Variants in TTN observed in about 807,000 individuals in gnomAD.
TTN encodes the protein connectin.
TTN carries 1,525 observed loss-of-function variants against 3,223.0 expected under a neutral mutation model. That is an observed-to-expected ratio of 0.47 (90% CI 0.45 to 0.49). TTN has a LOEUF of 0.49. TTN is among the 20% of genes least tolerant of loss of function. The pLI is 0.00. For synonymous variants in TTN, 14,094 were observed against 15,161.0 expected, an observed-to-expected ratio of 0.93 and a Z score of 5.17; for missense variants, 40,786 against 43,424.0, an observed-to-expected ratio of 0.94 and a Z score of 5.40.
At chr2:178,799,192 C>T (rs1034429112) in intron 6 of TTN, 3 of 400,444 alleles carry the variant, frequency 7.5e-6, no homozygotes, top group Admixed American at 3.6e-5. Flanking sequence ...CCTGCCTTCC[C>T]GCCCAAATGT....
At chr2:178,779,952 A>C (rs2154348165) in intron 22 of TTN, 48 bp downstream of exon 22, 1 of 1,573,770 alleles carries the variant, frequency 6.4e-7, no homozygotes, top group East Asian at 2.2e-5. Flanking sequence ...AAAAAAAGGA[A>C]AGTATAATTT....
intron 278 of TTN, among the ~76,000 whole-genome samples, chr2:178,606,682 C>G (rs1249722965): frequency 6.6e-6 from 1 of 151,926 alleles, no homozygotes; most frequent in Non-Finnish European, 1.5e-5. Context: ...TCTTTAACTA[C>G]TACGCTAGTA....
chr2:178,591,505 C>T lies in TTN; in HGVS notation c.60221-1G>A. 6.3e-7 allele frequency: 1 copy of T among 1,584,182 alleles called. No homozygotes were observed. Among genetic ancestry groups the T allele is most frequent in the Non-Finnish European group, 8.5e-7 (1 of 1,171,444 alleles). On this transcript the variant is annotated splice_acceptor_variant, in intron 303 of 362. Coordinates refer to ENST00000589042, the MANE Select transcript of TTN (RefSeq NM_001267550.2). LOFTEE classifies it high-confidence loss of function. Reference sequence around the variant, plus strand: ...ACATCTAGCTCCACGGATGGAGGCACTGAAAAGTAAACATGAAAAAATTAG... The same window carrying T: ...ACATCTAGCTCCACGGATGGAGGCATTGAAAAGTAAACATGAAAAAATTAG...
Position 178,577,975 on chromosome 2 carries a change from TATA to T in TTN, c.68527+10_68527+12del, listed in dbSNP as rs762941263. 3.7e-6 allele frequency: 6 copies of T among 1,608,354 alleles called. No homozygotes were observed. The highest frequency in any genetic ancestry group is 5.1e-6 in the Non-Finnish European group (6 of 1,177,694). On this transcript the variant is annotated intron_variant, in intron 322 of 362. Transcript: ENST00000589042. ...AAACATGCACCTGGGTTTTTCTTCA[TATA>T]ATGACTTACCAATTGGGTCCAGTGC...
At position 178,778,870 on chromosome 2, in the gene TTN, T is replaced by C; in HGVS notation, c.4208+4A>G. ...TAAATAACCCAAATTATTACAAGTC[T>C]TACCTGATTCTGCTCACTGGCTCTA... On this transcript the variant is annotated splice_donor_region_variant and intron_variant, in intron 24 of 362. Coordinates refer to ENST00000589042, the MANE Select transcript of TTN (RefSeq NM_001267550.2). 5 of 1,613,860 alleles carry C rather than the reference T, an allele frequency of 3.1e-6. No homozygotes were observed. The highest frequency in any genetic ancestry group is 4.2e-6 in the Non-Finnish European group (5 of 1,179,858).
At chr2:178,695,480 A>G (rs982786057) in intron 114 of TTN, 70 bp from the exon 115 acceptor site, 1 of 1,198,722 alleles carries the variant, frequency 8.3e-7, no homozygotes, top group Non-Finnish European at 1.2e-6. Context: ...TTAATTGCAA[A>G]TGAGATAAGG....
At position 178,590,411 on chromosome 2, in the gene TTN, A is replaced by G; in HGVS notation, c.61314T>C (p.Ile20438=). 6.2e-7 allele frequency: 1 copy of G among 1,609,320 alleles called. No homozygotes were observed. The highest frequency in any genetic ancestry group is 8.5e-7 in the Non-Finnish European group (1 of 1,178,072). The change falls in exon 304 of 363, where the codon ATT becomes ATC. Residue 20438 remains isoleucine, a synonymous_variant. Coordinates refer to ENST00000589042, the MANE Select transcript of TTN (RefSeq NM_001267550.2). ...TACGGAATCTGTACTCATTTCCTTCAATTAGTCCAGGTACCCTAAAGGCAC... is the reference window on the plus strand; with the variant it reads ...TACGGAATCTGTACTCATTTCCTTCGATTAGTCCAGGTACCCTAAAGGCAC... ...RQCAFRVPGL[I]EGNEYRFRIK...
chr2:178,757,074 G>A (rs2087244420), intron 45 of TTN, among the ~76,000 whole-genome samples: 1 of 42,736 alleles, frequency 2.3e-5, no homozygotes. Context: ...TATCCAAAGT[G>A]ACCCAGTCTG....
chr2:178,575,808 G>T lies in TTN; in HGVS notation c.70324C>A (p.Leu23442Met), dbSNP rs1553614105. Residue 23442 changes from leucine (L) to methionine (M), a missense_variant, in exon 326 of 363, where the codon CTG becomes ATG. Transcript: ENST00000589042. This position sits in a 1 kb window ranked among gnomAD's most constrained non-coding sequence, Gnocchi z 4.0. ...VLDTPGPVLN[L>M]RPTDITKDSV... The stretch of plus-strand genomic sequence containing the variant: ...TCCTTTGTGATGTCTGTAGGCCGCA[G>T]GTTGAGGACTGGGCCTGGCGTGTCC... The T allele has an allele frequency of 1.2e-6, 2 of 1,613,166 alleles. No homozygotes were observed. Among genetic ancestry groups the T allele is most frequent in the Non-Finnish European group, 1.7e-6 (2 of 1,179,294 alleles).
intron 13 of TTN, among the ~76,000 whole-genome samples, chr2:178,787,232 A>T (rs2093245400): frequency 6.6e-6 from 1 of 152,054 alleles, no homozygotes; most frequent in Non-Finnish European, 1.5e-5. Context: ...TATAAATGAG[A>T]TTTTTCTGAG....
rs1038404485 is a variant in TTN at position 178,681,551 on chromosome 2, C to A, written c.33173-101G>T. On this transcript the variant is annotated intron_variant, in intron 136 of 362. Coordinates refer to ENST00000589042, the MANE Select transcript of TTN (RefSeq NM_001267550.2). ...AAAGACAAATACAACATAATATTCC[C>A]AAACACACACATAATTTGTACACTG... 5 of 1,449,118 alleles carry A rather than the reference C, an allele frequency of 3.5e-6. No individual in the cohort carries two copies. The South Asian group carries it at 3.8e-5, about 11-fold the overall frequency. 89.8% of individuals were successfully genotyped at this position (1,449,118 alleles called of 1,614,324 possible).
rs1361932815 is a variant in TTN, at chr2:178,685,574, A to G, written c.32336T>C (p.Val10779Ala). 1 of 1,613,698 alleles carries G rather than the reference A, an allele frequency of 6.2e-7. No homozygotes were observed. Among genetic ancestry groups the G allele is most frequent in the African/African-American group, 1.3e-5 (1 of 75,048 alleles). Reference sequence around the variant, plus strand: ...AATAATGTGCAGCTTTTCTTCCACAACATATTCCTCAGGCTCTTCCATCAC... The same window carrying G: ...AATAATGTGCAGCTTTTCTTCCACAGCATATTCCTCAGGCTCTTCCATCAC... ...YEVMEEPEEY[V>A]VEEKLHIISK... Residue 10779 changes from valine (V) to alanine (A), a missense_variant, in exon 128 of 363, where the codon GTT (valine) becomes GCT (alanine). Transcript: ENST00000589042.
Position 178,581,479 on chromosome 2 carries a change from C to G in TTN, c.66769+20G>C. 1 of 1,559,578 alleles carries G rather than the reference C, an allele frequency of 6.4e-7. No individual in the cohort carries two copies. The highest frequency in any genetic ancestry group is 8.7e-7 in the Non-Finnish European group (1 of 1,148,734). On this transcript the variant is annotated intron_variant, in intron 316 of 362. Coordinates refer to ENST00000589042, the MANE Select transcript of TTN (RefSeq NM_001267550.2). Reference sequence around the variant, plus strand: ...TGATTAATAGGAAAAGCCTTATGTACTCCCCCTGGTAATACTTACTTAAGA... The same window carrying G: ...TGATTAATAGGAAAAGCCTTATGTAGTCCCCCTGGTAATACTTACTTAAGA...
chr2:178,538,220 CCTTA>C (rs1692553693), intron 354 of TTN: 3 of 460,754 alleles, frequency 6.5e-6, no homozygotes, highest in African/African-American at 6.0e-5. Context: ...GTATTCTTGC[CCTTA>C]CTTAGGTTCA....
chr2:178,735,662 G>C lies in TTN; in HGVS notation c.14784C>G (p.Leu4928=). 3 of 1,613,746 alleles carry C rather than the reference G, an allele frequency of 1.9e-6. No homozygotes were observed. Among genetic ancestry groups the C allele is most frequent in the Non-Finnish European group, 2.5e-6 (3 of 1,179,802 alleles). The part of the protein sequence containing the change: ...TVTWSKDGQK[L]PPGKDYKICF... The stretch of plus-strand genomic sequence containing the variant: ...AGATCTTATAATCTTTCCCTGGGGG[G>C]AGTTTTTGCCCATCTTTGCTCCACG... Residue 4928 remains leucine, a synonymous_variant, in exon 50 of 363, where the codon CTC becomes CTG. Transcript: ENST00000589042.
rs781502978 is a variant in TTN, at chr2:178,740,178, G to A, written c.13055C>T (p.Pro4352Leu). The A allele has an allele frequency of 6.2e-7, 1 of 1,613,476 alleles. No individual in the cohort carries two copies. Among genetic ancestry groups the A allele is most frequent in the Non-Finnish European group, 8.5e-7 (1 of 1,179,724 alleles). The change falls in exon 48 of 363, where the codon CCC becomes CTC. Residue 4352 changes from proline (P) to leucine (L), a missense_variant. Coordinates refer to ENST00000589042, the MANE Select transcript of TTN (RefSeq NM_001267550.2). ...KEEHSDNVVM[P>L]PDQIIESKRE... is the part of the protein sequence containing the mutation. ...TTTAGACTCAATGATTTGGTCTGGG[G>A]GCATCACCACGTTGTCAGAATGCTC... is the stretch of plus-strand genomic sequence containing the variant.
rs16866467 is a variant in TTN at position 178,721,018 on chromosome 2, C to T, written c.23001G>A (p.Thr7667=). 3,554 of 1,613,248 alleles carry T rather than the reference C, an allele frequency of 2.2e-3. 71 individuals carry two copies. In the African/African-American group the frequency reaches 0.042, roughly 19 times the overall value. ...MSFINSVALL[T]INEASAEDSG... Reference sequence around the variant, plus strand: ...TGTCTTCAGCACTAGCTTCATTGATCGTAAGCAATGCCACAGAATTAATGA... The same window carrying T: ...TGTCTTCAGCACTAGCTTCATTGATTGTAAGCAATGCCACAGAATTAATGA... Residue 7667 remains threonine, a synonymous_variant, in exon 79 of 363, where the codon ACG becomes ACA. Coordinates refer to ENST00000589042, the MANE Select transcript of TTN (RefSeq NM_001267550.2).
Position 178,528,597 on chromosome 2 carries a change from AT to A in TTN, c.107153del (p.Asn35718MetfsTer33). On this transcript the variant is annotated frameshift_variant, in exon 360 of 363. Coordinates refer to ENST00000589042, the MANE Select transcript of TTN (RefSeq NM_001267550.2). LOFTEE classifies it high-confidence loss of function. ...CACTGATTTCACAAGTAAAGAGAAC[AT>A]TTTGTCCTTCATTAATATTTTGAGA... ...PRSQNINEGQNVLFTCEISGE... is the reference protein window; with the variant it reads ...PRSQNINEGQXVLFTCEISGE... 1 of 1,613,068 alleles carries A rather than the reference AT, an allele frequency of 6.2e-7. No homozygotes were observed. Among genetic ancestry groups the A allele is most frequent in the South Asian group, 1.1e-5 (1 of 90,952 alleles).
chr2:178,751,716 A>C lies in TTN; in HGVS notation c.11311+1408T>G, dbSNP rs727503673. ...ACCCTTTTAATCTCTAAGCTGGAAG[A>C]GTGATGGTGTAAATCACTCTCAGCT... On this transcript the variant is annotated intron_variant, in intron 47 of 362. Coordinates refer to ENST00000589042, the MANE Select transcript of TTN (RefSeq NM_001267550.2). 2 of 1,613,212 alleles carry C rather than the reference A, an allele frequency of 1.2e-6. No homozygotes were observed. The highest frequency in any genetic ancestry group is 1.7e-6 in the Non-Finnish European group (2 of 1,179,522).
Sources: gnomAD v4.1 joint callset for allele counts (sites outside exome capture counted in the v4.1 genomes callset) on GRCh38, gnomAD v4.1.1 for gene constraint, Gnocchi (gnomAD v3.1) non-coding constraint, MANE v1.5 for transcripts, NCBI Gene and HGNC (gene_info 2026-07-23, HGNC 2026-07-21) for gene names.